The following SACS variants were observed in gnomAD, a reference collection of about 807,000 sequenced individuals.
The protein encoded by SACS is sacsin.
SACS carries 197 observed loss-of-function variants against 348.0 expected under a neutral mutation model. That is an observed-to-expected ratio of 0.57 (90% CI 0.50 to 0.64). SACS has a LOEUF of 0.64. Ranked by LOEUF, SACS falls within the 30% of genes least tolerant of loss-of-function variation. The probability of loss-of-function intolerance (pLI) is 0.00; values close to 1 mark genes in which losing one functional copy is unlikely to be tolerated. For synonymous variants in SACS, 1,985 were observed against 1,910.6 expected (o/e 1.04, Z -1.02); for missense variants, 4,999 against 5,360.8 (o/e 0.93, Z 2.11).
intron 2 of SACS, among the ~76,000 whole-genome samples, chr13:23,402,364 T>G (rs570618837): frequency 5.3e-5 from 8 of 152,308 alleles, no homozygotes; most frequent in African/African-American, 1.9e-4. Context: ...TGTTAAGCTA[T>G]CTATAACAGT....
chr13:23,385,043 C>T (rs1005061857), intron 2 of SACS, among the ~76,000 whole-genome samples: 5 of 151,808 alleles, frequency 3.3e-5, no homozygotes, highest in Admixed American at 2.0e-4. Flanking sequence ...AGGCAGATCA[C>T]GAGGTCAGGA....
At chr13:23,376,598 C>T (rs937167495) in intron 2 of SACS, among the ~76,000 whole-genome samples, 16 of 152,132 alleles carry the variant, frequency 1.1e-4, no homozygotes, top group Non-Finnish European at 1.8e-4. Flanking sequence ...AGAGAATGTT[C>T]TACAGCTGTT....
intron 2 of SACS, among the ~76,000 whole-genome samples, chr13:23,390,784 C>A (rs1872501581): frequency 6.6e-6 from 1 of 152,252 alleles, no homozygotes; most frequent in Non-Finnish European, 1.5e-5. Context: ...AGGCAGCCAT[C>A]CCTCGTCGTG....
intron 5 of SACS, among the ~76,000 whole-genome samples, chr13:23,367,888 C>T (rs1871155996): frequency 6.6e-6 from 1 of 152,106 alleles, no homozygotes; most frequent in African/African-American, 2.4e-5. Flanking sequence ...GCCACTGCGC[C>T]CAGCCTGTTT....
chr13:23,366,108 T>C (rs1871044181), intron 5 of SACS, among the ~76,000 whole-genome samples: 3 of 152,178 alleles, frequency 2.0e-5, no homozygotes, highest in Admixed American at 2.0e-4. Flanking sequence ...AGAGCTTTTT[T>C]ACTTCCCCAG....
At position 23,337,342 on chromosome 13, in the gene SACS, A is replaced by G. The variant is rs376778360; in HGVS notation, c.6534T>C (p.His2178=). 4 of 1,613,920 alleles carry G rather than the reference A, an allele frequency of 2.5e-6. No individual in the cohort carries two copies. In the African/African-American group the frequency reaches 5.3e-5, roughly 22 times the overall value. ...TACTACTTCTTAGGCATGCAGCAAC[A>G]TGATCACTTTTATTAATTTCAGCTA... The part of the protein sequence containing the change: ...VSVAEINKSD[H]VAACLRSSIL... The change falls in exon 10 of 10, where the codon CAT becomes CAC. Residue 2178 remains histidine, a synonymous_variant. Transcript: ENST00000382292.
At chr13:23,386,994 G>C (rs1195524842) in intron 2 of SACS, among the ~76,000 whole-genome samples, 1 of 152,082 alleles carries the variant, frequency 6.6e-6, no homozygotes. Flanking sequence ...TGACACCATA[G>C]ATTAGTAATC....
In SACS at chr13:23,339,330, C is replaced by G. The variant is rs757583754; in HGVS notation, c.4546G>C (p.Ala1516Pro). The change falls in exon 10 of 10, where the codon GCT becomes CCT. Residue 1516 changes from alanine (A) to proline (P), a missense_variant. By Grantham distance (27) the Ala-to-Pro change is conservative. Around this residue, in one of 6 missense-constraint regions of SACS, gnomAD observed 3,156 missense variants for 3,380.1 expected, o/e 0.93. Transcript: ENST00000382292. ...RENLLDPGMAACHGPALWSFN... is the reference protein window; with the variant it reads ...RENLLDPGMAPCHGPALWSFN... ...GACCACAAAGCAGGTCCATGACAAG[C>G]TGCCATCCCTGGGTCTAGGAGATTC... is the stretch of plus-strand genomic sequence containing the variant. 1 of 1,612,370 alleles carries G rather than the reference C, an allele frequency of 6.2e-7. No individual in the cohort carries two copies. The highest frequency in any genetic ancestry group is 1.3e-5 in the African/African-American group (1 of 74,868).
intron 1 of SACS, among the ~76,000 whole-genome samples, chr13:23,429,982 C>G (rs1874369663): frequency 6.6e-6 from 1 of 151,926 alleles, no homozygotes; most frequent in African/African-American, 2.4e-5. Flanking sequence ...CTGAAGTGGG[C>G]AGATCACTGG....
intron 4 of SACS, among the ~76,000 whole-genome samples, chr13:23,369,650 T>C (rs1250031628): frequency 6.6e-6 from 1 of 151,896 alleles, no homozygotes; most frequent in East Asian, 1.9e-4. Flanking sequence ...GTTCACGCCA[T>C]TCCCCTGCCT....
At chr13:23,352,795 A>G (rs529080361) in intron 9 of SACS, among the ~76,000 whole-genome samples, 12 of 152,350 alleles carry the variant, frequency 7.9e-5, no homozygotes, top group Non-Finnish European at 1.6e-4. Flanking sequence ...CTACCAACTC[A>G]TAGATGCAAA....
At position 23,386,136 on chromosome 13, in the gene SACS, C is replaced by T. The variant is rs1240048823; in HGVS notation, c.21-10867G>A. ...AATGAACTTGGCTTCAACTTAGTCA[C>T]CAGCTGCATTAGCCCCTAACAAGAG... On this transcript the variant is annotated intron_variant, in intron 2 of 9. Coordinates refer to ENST00000382292, the MANE Select transcript of SACS (RefSeq NM_014363.6). Among the ~76,000 whole-genome samples the T allele has an allele frequency of 2.6e-5, 4 of 152,312 alleles. No individual in the cohort carries two copies. In the East Asian group the frequency reaches 7.7e-4, roughly 29 times the overall value.
chr13:23,351,867 A>T (rs1869981352), intron 9 of SACS, among the ~76,000 whole-genome samples: 1 of 152,136 alleles, frequency 6.6e-6, no homozygotes, highest in African/African-American at 2.4e-5. Context: ...GACCAGAGAC[A>T]AAACACAGTG....
Position 23,333,262 on chromosome 13 carries a change from C to T in SACS, c.10614G>A (p.Lys3538=). Residue 3538 remains lysine, a synonymous_variant, in exon 10 of 10, where the codon AAG becomes AAA. Coordinates refer to ENST00000382292, the MANE Select transcript of SACS (RefSeq NM_014363.6). ...CTCTCACAGTTCTATCATAGAAATG[C>T]TTTGCTTGCTTTAGTCTACTGTTAG... ...HDANSRLKQA[K]HFYDRTVRVF... The T allele has an allele frequency of 1.9e-6, 3 of 1,600,982 alleles. No individual in the cohort carries two copies. Among genetic ancestry groups the T allele is most frequent in the Non-Finnish European group, 1.7e-6 (2 of 1,175,212 alleles).
chr13:23,370,157 C>G (rs1871297170), intron 4 of SACS, among the ~76,000 whole-genome samples: 1 of 152,196 alleles, frequency 6.6e-6, no homozygotes, highest in Non-Finnish European at 1.5e-5. Flanking sequence ...CACACCCGGC[C>G]CCCACTCATT....
intron 2 of SACS, among the ~76,000 whole-genome samples, chr13:23,384,382 A>T (rs1566095967): frequency 6.6e-6 from 1 of 152,222 alleles, no homozygotes; most frequent in East Asian, 1.9e-4. Flanking sequence ...ACTGCCAAAT[A>T]AGCGAATGTA....
At chr13:23,388,024 G>A (rs1292558687) in intron 2 of SACS, among the ~76,000 whole-genome samples, 1 of 152,116 alleles carries the variant, frequency 6.6e-6, no homozygotes. Flanking sequence ...CAACCTCTAC[G>A]GAAAACAGTA....
At position 23,354,596 on chromosome 13, in the gene SACS, T is replaced by C. The variant is rs761709067; in HGVS notation, c.2016A>G (p.Gln672=). Reference sequence around the variant, plus strand: ...AGGAGAAGGGGACAAAATTGCCATTTTGTAAAGGGAGCAGCTCCAGCCCAA... The same window carrying C: ...AGGAGAAGGGGACAAAATTGCCATTCTGTAAAGGGAGCAGCTCCAGCCCAA... ...ELLGLELLPL[Q]NGNFVPFSSS... is the part of the protein sequence containing the mutation. Residue 672 remains glutamine, a synonymous_variant, in exon 8 of 10, where the codon CAA becomes CAG. Transcript: ENST00000382292. The C allele has an allele frequency of 1.2e-6, 2 of 1,614,082 alleles. No homozygotes were observed. The highest frequency in any genetic ancestry group is 2.7e-5 in the African/African-American group (2 of 74,938).
At position 23,340,248 on chromosome 13, in the gene SACS, C is replaced by G; in HGVS notation, c.3628G>C (p.Glu1210Gln). The G allele has an allele frequency of 6.2e-7, 1 of 1,611,320 alleles. No homozygotes were observed. Among genetic ancestry groups the G allele is most frequent in the Non-Finnish European group, 8.5e-7 (1 of 1,178,504 alleles). Residue 1210 changes from glutamate (E) to glutamine (Q), a missense_variant, in exon 10 of 10, where the codon GAA becomes CAA. Physicochemically the swap from Glu to Gln is conservative, Grantham distance 29. This residue lies in a region of SACS where 3,156 missense variants were observed against 3,380.1 expected (regional missense o/e 0.93). Transcript: ENST00000382292. ...PLVESIHVNL[E>Q]KALGIFTKPS... is the part of the protein sequence containing the mutation. ...TTTGTGAAGATCCCTAATGCTTTTTCCAGGTTTACATGGATACTTTCAACA... is the reference window on the plus strand; with the variant it reads ...TTTGTGAAGATCCCTAATGCTTTTTGCAGGTTTACATGGATACTTTCAACA...
Sources: allele counts gnomAD v4.1 joint callset (sites outside exome capture counted in the v4.1 genomes callset), GRCh38; gene constraint gnomAD v4.1.1; regional missense constraint gnomAD v4.1.1; transcripts MANE v1.5; gene names NCBI Gene and HGNC (gene_info 2026-07-23, HGNC 2026-07-21).